Variants in LTAP1 observed in about 807,000 individuals in gnomAD.
LTAP1 encodes lipid transport auxiliary protein 1.
chr1:154,211,266 G>A, the LTAP1 span, among the ~76,000 whole-genome samples: 1 of 146,920 alleles, frequency 6.8e-6, no homozygotes, highest in East Asian at 2.0e-4. Flanking sequence ...GCCTCCCAAA[G>A]TGCTGGGATT....
At chr1:154,210,332 C>A in the LTAP1 span, among the ~76,000 whole-genome samples, 1 of 152,180 alleles carries the variant, frequency 6.6e-6, no homozygotes, top group South Asian at 2.1e-4. Flanking sequence ...AGCCACTGCT[C>A]CAGGCCTTGG....
At chr1:154,220,133 G>C in the LTAP1 span, 469 of 731,404 alleles carry the variant, frequency 6.4e-4, 2 homozygotes, top group African/African-American at 7.4e-3. Flanking sequence ...TGGGGTCTGT[G>C]CTCTAGCGTT....
the LTAP1 span, chr1:154,207,122 C>G: frequency 4.2e-6 from 1 of 236,862 alleles, no homozygotes; most frequent in Admixed American, 5.2e-5. Context: ...TTAAATAAAC[C>G]TGGAACAGGG....
chr1:154,217,496 T>G, the LTAP1 span, among the ~76,000 whole-genome samples: 17 of 152,078 alleles, frequency 1.1e-4, no homozygotes, highest in Non-Finnish European at 1.5e-5. Context: ...GTACATATTC[T>G]CTTGTGAACG....
At chr1:154,208,279 C>T in the LTAP1 span, among the ~76,000 whole-genome samples, 1 of 152,218 alleles carries the variant, frequency 6.6e-6, no homozygotes, top group African/African-American at 2.4e-5. Flanking sequence ...ACCTGTAGTC[C>T]TGGTTCCTCA....
At chr1:154,213,990 TC>T in the LTAP1 span, 1 of 1,580,952 alleles carries the variant, frequency 6.3e-7, no homozygotes, top group South Asian at 1.1e-5. Flanking sequence ...CTAAAAATAT[TC>T]CCCAGGCTGG....
chr1:154,212,526 T>C, the LTAP1 span: 6 of 1,614,200 alleles, frequency 3.7e-6, no homozygotes, highest in Non-Finnish European at 5.1e-6. Context: ...CGTACACCCT[T>C]GAAAGGCGTA....
chr1:154,214,369 T>C, the LTAP1 span: 4 of 835,784 alleles, frequency 4.8e-6, no homozygotes, highest in South Asian at 6.1e-5. Flanking sequence ...ACTAAGGCTT[T>C]GCCAGCAGCT....
the LTAP1 span, among the ~76,000 whole-genome samples, chr1:154,210,318 C>T: frequency 2.0e-5 from 3 of 152,300 alleles, no homozygotes; most frequent in African/African-American, 7.2e-5. Context: ...GGATTATAGA[C>T]GTGAGCCACT....
the LTAP1 span, among the ~76,000 whole-genome samples, chr1:154,207,812 T>C: frequency 6.6e-6 from 1 of 152,114 alleles, no homozygotes. Context: ...AGCTTAGAAA[T>C]ACAAGAGGCT....
the LTAP1 span, chr1:154,220,264 A>C: frequency 6.5e-7 from 1 of 1,536,258 alleles, no homozygotes; most frequent in Non-Finnish European, 9.0e-7. Flanking sequence ...TGGAGAATGC[A>C]GACGGGGTAC....
At chr1:154,214,859 T>C in the LTAP1 span, among the ~76,000 whole-genome samples, 1 of 151,976 alleles carries the variant, frequency 6.6e-6, no homozygotes, top group Non-Finnish European at 1.5e-5. Context: ...TTTTTTTTTT[T>C]TTTGAGACAG....
the LTAP1 span, chr1:154,219,830 A>C: frequency 6.3e-7 from 1 of 1,589,022 alleles, no homozygotes; most frequent in Admixed American, 1.8e-5. Context: ...TGCCCTAAGG[A>C]CCTACCTTGG....
chr1:154,220,351 G>A, the LTAP1 span: 5 of 1,614,202 alleles, frequency 3.1e-6, no homozygotes, highest in Middle Eastern at 1.6e-4. Context: ...CCAGGCTCCC[G>A]TAGGCCATCA....
chr1:154,209,857 T>TGGGATTACAGGC, the LTAP1 span, among the ~76,000 whole-genome samples: 1 of 152,078 alleles, frequency 6.6e-6, no homozygotes, highest in Non-Finnish European at 1.5e-5. Context: ...CTCCAAGTGT[T>TGGGATTACAGGC]GGGATTACAG....
At chr1:154,219,165 A>T in the LTAP1 span, among the ~76,000 whole-genome samples, 152,257 of 152,348 alleles carry the variant, frequency 1, 76,083 homozygotes, top group East Asian at 1. Flanking sequence ...CTGATTCACA[A>T]ATGTTGGGTT....
At chr1:154,207,920 G>T in the LTAP1 span, among the ~76,000 whole-genome samples, 1 of 152,088 alleles carries the variant, frequency 6.6e-6, no homozygotes, top group African/African-American at 2.4e-5. Flanking sequence ...GGCCAACATG[G>T]TGAAACCCTG....
At chr1:154,210,675 C>T in the LTAP1 span, among the ~76,000 whole-genome samples, 1 of 152,010 alleles carries the variant, frequency 6.6e-6, no homozygotes, top group African/African-American at 2.4e-5. Context: ...GATGGGGTTT[C>T]ACCATGTTGG....
At chr1:154,208,526 G>A in the LTAP1 span, 1 of 152,190 alleles carries the variant, frequency 6.6e-6, no homozygotes, top group African/African-American at 2.4e-5. Context: ...CAATTTCCCA[G>A]AGTTCTTGCC....
Sources: gnomAD v4.1 joint callset for allele counts (sites outside exome capture counted in the v4.1 genomes callset) on GRCh38, gnomAD v4.1.1 for gene constraint, MANE v1.5 for transcripts, NCBI Gene and HGNC (gene_info 2026-07-23, HGNC 2026-07-21) for gene names.